The following SNRK variants were observed in gnomAD, a reference collection of about 807,000 sequenced individuals.
SNRK encodes the protein SNF-related serine/threonine-protein kinase.
A neutral mutation model predicts 48.2 loss-of-function variants in SNRK; 3 were observed. That is an observed-to-expected ratio of 0.06 (90% CI 0.03 to 0.16). The LOEUF (loss-of-function observed/expected upper bound fraction) is 0.16. Among genes scored for constraint, SNRK ranks in the 10% least tolerant of loss-of-function variants. SNRK has a pLI of 1.00. For missense variants in SNRK, 627 were observed against 976.0 expected, an observed-to-expected ratio of 0.64 and a Z score of 4.76; for synonymous variants, 376 against 366.1, an observed-to-expected ratio of 1.03 and a Z score of -0.31.
At chr3:43,329,386 C>T (rs934875212) in intron 3 of SNRK, among the ~76,000 whole-genome samples, 3 of 151,560 alleles carry the variant, frequency 2.0e-5, no homozygotes, top group African/African-American at 4.9e-5. Flanking sequence ...TACAGTGAGC[C>T]GAGATCGCAC....
intron 3 of SNRK, among the ~76,000 whole-genome samples, chr3:43,309,943 G>T (rs2090967050): frequency 6.6e-6 from 1 of 151,986 alleles, no homozygotes; most frequent in Admixed American, 6.6e-5. Flanking sequence ...TTAAATTAAG[G>T]TATGTACATT....
At chr3:43,314,113 A>C (rs1482159887) in intron 3 of SNRK, among the ~76,000 whole-genome samples, 1 of 152,146 alleles carries the variant, frequency 6.6e-6, no homozygotes, top group Non-Finnish European at 1.5e-5. Context: ...TCAGCAGAAA[A>C]ATTTCTCTAC....
intron 4 of SNRK, 47 bp downstream of exon 4, chr3:43,332,357 C>T: frequency 7.7e-7 from 1 of 1,295,922 alleles, no homozygotes; most frequent in Non-Finnish European, 1.0e-6. Flanking sequence ...CAGATTAAAA[C>T]CAGAAGTTTT....
In SNRK at chr3:43,341,156, G is replaced by GT. The variant is rs561432916; in HGVS notation, c.944+669dup. On this transcript the variant is annotated intron_variant, in intron 5 of 6. Transcript: ENST00000296088. Reference sequence around the variant, plus strand: ...CAAAGCCAGTTGTTTTTTTGTTTTTGTTTTTTTTTTTTGAGATGGAGTCTC... The same window carrying GT: ...CAAAGCCAGTTGTTTTTTTGTTTTTGTTTTTTTTTTTTTGAGATGGAGTCTC... Among the ~76,000 whole-genome samples, 1,213 of 143,706 alleles carry GT rather than the reference G, an allele frequency of 8.4e-3. 7 individuals carry two copies. The highest frequency in any genetic ancestry group is 0.021 in the Middle Eastern group (6 of 284). The allele number at this position is 143,706 out of a possible 152,430, so 94.3% of individuals were successfully genotyped here. A position where few individuals can be genotyped will look rare whatever the true frequency, so the allele number is the denominator to read the frequency against.
At chr3:43,304,323 T>C (rs1237373657) in intron 3 of SNRK, among the ~76,000 whole-genome samples, 1 of 152,202 alleles carries the variant, frequency 6.6e-6, no homozygotes, top group Admixed American at 6.5e-5. Flanking sequence ...TCCCATATTA[T>C]CTTGTTTACT....
intron 3 of SNRK, among the ~76,000 whole-genome samples, chr3:43,324,021 C>T (rs1364662924): frequency 1.3e-5 from 2 of 151,968 alleles, no homozygotes; most frequent in Non-Finnish European, 1.5e-5. Context: ...CTGCATTTGT[C>T]AGAACTTGGA....
chr3:43,331,646 T>A (rs2091147339), intron 3 of SNRK, among the ~76,000 whole-genome samples: 1 of 152,210 alleles, frequency 6.6e-6, no homozygotes, highest in Non-Finnish European at 1.5e-5. Context: ...TTTTCCTGAT[T>A]GACTATATTG....
intron 5 of SNRK, 155 bp downstream of exon 5, chr3:43,340,654 G>A (rs2125645677): frequency 2.9e-6 from 2 of 681,918 alleles, no homozygotes; most frequent in Non-Finnish European, 4.9e-6. Flanking sequence ...TTGGCCCAGG[G>A]CCTGACACAG....
Position 43,340,329 on chromosome 3 carries a change from T to G in SNRK, c.774T>G (p.Ala258=). 2 of 1,614,208 alleles carry G rather than the reference T, an allele frequency of 1.2e-6. No individual in the cohort carries two copies. The highest frequency in any genetic ancestry group is 1.7e-6 in the Non-Finnish European group (2 of 1,180,034). The part of the protein sequence containing the change: ...RMLQRDPKRR[A]SLEEIENHPW... ...TACAGAGAGATCCCAAGAGAAGGGC[T>G]TCTTTAGAAGAGATTGAAAATCATC... The change falls in exon 5 of 7, where the codon GCT becomes GCG. Residue 258 remains alanine, a synonymous_variant. Coordinates refer to ENST00000296088, the MANE Select transcript of SNRK (RefSeq NM_017719.5).
At position 43,343,529 on chromosome 3, in the gene SNRK, C is replaced by T. The variant is rs543397646; in HGVS notation, c.1079+51C>T. The T allele has an allele frequency of 9.1e-5, 141 of 1,541,388 alleles. 1 individual carries two copies. In the East Asian group the frequency reaches 3.0e-3, roughly 32 times the overall value. ...TAGTAAGTTTAACGTTTTGAAATAG[C>T]GAACTTTTTTTTTTTTTTTTAATGC... On this transcript the variant is annotated intron_variant, in intron 6 of 6. Coordinates refer to ENST00000296088, the MANE Select transcript of SNRK (RefSeq NM_017719.5).
At chr3:43,344,502 G>T (rs954989171) in intron 6 of SNRK, among the ~76,000 whole-genome samples, 26 of 152,164 alleles carry the variant, frequency 1.7e-4, no homozygotes, top group African/African-American at 4.8e-4. Context: ...TCGATTTTAA[G>T]TTACTTGCAG....
chr3:43,332,329 G>T lies in SNRK; in HGVS notation c.731+19G>T, dbSNP rs756234555. On this transcript the variant is annotated intron_variant, in intron 4 of 6. Coordinates refer to ENST00000296088, the MANE Select transcript of SNRK (RefSeq NM_017719.5). Reference sequence around the variant, plus strand: ...GTAAAGAGTAAGTAAAACAAAGTATGTGGAAACCTTAAGGACTCAGATTAA... The same window carrying T: ...GTAAAGAGTAAGTAAAACAAAGTATTTGGAAACCTTAAGGACTCAGATTAA... The T allele has an allele frequency of 1.4e-6, 2 of 1,381,354 alleles. No homozygotes were observed. Among genetic ancestry groups the T allele is most frequent in the South Asian group, 2.0e-5 (1 of 49,760 alleles). 85.6% of individuals were successfully genotyped at this position (1,381,354 alleles called of 1,614,324 possible). A position where few individuals can be genotyped will look rare whatever the true frequency, so the allele number is the denominator to read the frequency against.
intron 3 of SNRK, among the ~76,000 whole-genome samples, chr3:43,314,693 A>G (rs1285948874): frequency 1.3e-5 from 2 of 152,196 alleles, no homozygotes; most frequent in African/African-American, 4.8e-5. Context: ...TGCTTGTAAG[A>G]TAGTACAGCC....
At chr3:43,332,385 A>C in intron 4 of SNRK, 75 bp downstream of exon 4, 113 of 1,137,814 alleles carry the variant, frequency 9.9e-5, no homozygotes, top group Non-Finnish European at 1.2e-4. Context: ...TTAATATGTC[A>C]AGAAAATTTG....
chr3:43,325,956 CATCTT>C (rs1490063952), intron 3 of SNRK, among the ~76,000 whole-genome samples: 2 of 152,038 alleles, frequency 1.3e-5, no homozygotes, highest in Non-Finnish European at 2.9e-5. Flanking sequence ...ATGTTTTCGC[CATCTT>C]ATCTTTCCGT....
At chr3:43,346,851 C>T (rs1269567519) in intron 6 of SNRK, 2 of 152,602 alleles carry the variant, frequency 1.3e-5, no homozygotes, top group African/African-American at 2.4e-5. Context: ...AATTCAGATC[C>T]ATTAAACTGT....
intron 3 of SNRK, 141 bp from the exon 4 acceptor site, chr3:43,332,028 C>G: frequency 1.8e-4 from 98 of 535,882 alleles, no homozygotes; most frequent in Non-Finnish European, 2.7e-4. Flanking sequence ...CCTATTGGGG[C>G]TTCTTTTCCT....
intron 4 of SNRK, among the ~76,000 whole-genome samples, chr3:43,334,016 G>A (rs936701803): frequency 1.3e-5 from 2 of 151,854 alleles, no homozygotes; most frequent in Non-Finnish European, 2.9e-5. Context: ...CATGGTGGCT[G>A]GCGCCTGTAA....
chr3:43,340,261 A>C (rs746301824), intron 4 of SNRK, 26 bp from the exon 5 acceptor site: 2 of 1,589,634 alleles, frequency 1.3e-6, no homozygotes, highest in Admixed American at 3.3e-5. Context: ...AGTTTGCTTT[A>C]ACAATGGACT....
Sources: allele counts gnomAD v4.1 joint callset (sites outside exome capture counted in the v4.1 genomes callset), GRCh38; gene constraint gnomAD v4.1.1; transcripts MANE v1.5; gene names NCBI Gene and HGNC (gene_info 2026-07-23, HGNC 2026-07-21).